Variants in HK1 observed in about 807,000 individuals in gnomAD.
The protein encoded by HK1 is hexokinase 1, also known as hexokinase-1.
Under a neutral mutation model 91.6 loss-of-function variants are expected in HK1, and 28 were observed. The ratio of observed to expected loss-of-function variants is 0.31; its 90% CI spans 0.23 to 0.42. The LOEUF (loss-of-function observed/expected upper bound fraction) is 0.42, where lower values mean the gene tolerates loss of function less well. Ranked by LOEUF, HK1 falls within the 10% of genes least tolerant of loss-of-function variation. The pLI, the probability that HK1 is intolerant of heterozygous loss-of-function variation, is 1.00. For missense variants in HK1, 770 were observed against 1,219.8 expected, an observed-to-expected ratio of 0.63 and a Z score of 5.49; for synonymous variants, 430 against 468.1, an observed-to-expected ratio of 0.92 and a Z score of 1.05.
chr10:69,322,631 C>A (rs545300149), intron 1 of HK1, among the ~76,000 whole-genome samples: 9 of 152,248 alleles, frequency 5.9e-5, no homozygotes, highest in Non-Finnish European at 1.5e-5. Flanking sequence ...TGGCTCACAC[C>A]TGTAATCTCA....
intron 1 of HK1, among the ~76,000 whole-genome samples, chr10:69,280,627 G>A (rs1844700867): frequency 6.6e-6 from 1 of 152,176 alleles, no homozygotes; most frequent in Non-Finnish European, 1.5e-5. Flanking sequence ...GGAGACTCTA[G>A]AGAGCTTGTC....
chr10:69,308,118 T>C (rs901180062), intron 5 of HK1, among the ~76,000 whole-genome samples: 1 of 152,202 alleles, frequency 6.6e-6, no homozygotes, highest in East Asian at 1.9e-4. Flanking sequence ...GGATTACAGG[T>C]GTGAGCCACC....
intron 3 of HK1, among the ~76,000 whole-genome samples, chr10:69,360,474 T>C (rs1589538468): frequency 6.6e-6 from 1 of 152,250 alleles, no homozygotes; most frequent in African/African-American, 2.4e-5. Flanking sequence ...GGTATGGCTG[T>C]GGCCTTGTCG....
chr10:69,299,070 C>T (rs1472566773), intron 4 of HK1, among the ~76,000 whole-genome samples: 1 of 150,842 alleles, frequency 6.6e-6, no homozygotes, highest in Non-Finnish European at 1.5e-5. Context: ...CTCCCAAGTA[C>T]CTGGGATTAC....
intron 4 of HK1, among the ~76,000 whole-genome samples, chr10:69,299,615 C>T (rs778831985): frequency 1.3e-5 from 2 of 150,900 alleles, no homozygotes; most frequent in Admixed American, 6.6e-5. Flanking sequence ...TTGCCCAGCT[C>T]GGCCTCCCAA....
intron 2 of HK1, among the ~76,000 whole-genome samples, chr10:69,351,381 T>C (rs144551740): frequency 0.13 from 20,236 of 151,244 alleles, 1,531 homozygotes; most frequent in South Asian, 0.27. Flanking sequence ...TGGTGGTGGG[T>C]GGCTGTAATC....
At chr10:69,274,838 C>A (rs1375130146) in intron 1 of HK1, among the ~76,000 whole-genome samples, 1 of 152,106 alleles carries the variant, frequency 6.6e-6, no homozygotes, top group Non-Finnish European at 1.5e-5. Flanking sequence ...AGCCAGCTCA[C>A]ATGACCATAA....
intron 11 of HK1, 125 bp from the exon 12 acceptor site, chr10:69,384,671 G>T: frequency 6.9e-7 from 1 of 1,444,198 alleles, no homozygotes; most frequent in Admixed American, 1.7e-5. Flanking sequence ...GGAAAAGGAG[G>T]CTCACTCTGC....
In HK1 at chr10:69,336,896, C is replaced by T. The variant is rs530068530; in HGVS notation, c.64-6931C>T. The stretch of plus-strand genomic sequence containing the variant: ...GACCTCTCAAGTGATCCACCCGCCT[C>T]GGCCTCCCATAGTGCTGGGATTACA... On this transcript the variant is annotated intron_variant, in intron 1 of 17. Transcript: ENST00000359426. Among the ~76,000 whole-genome samples the T allele has an allele frequency of 2.0e-5, 3 of 152,172 alleles. No homozygotes were observed. In the South Asian group the frequency reaches 6.2e-4, roughly 32 times the overall value.
chr10:69,288,660 C>A (rs1459158821), intron 2 of HK1: 3 of 1,295,228 alleles, frequency 2.3e-6, no homozygotes, highest in African/African-American at 1.5e-5. Flanking sequence ...TTGAACTTGG[C>A]CTTTCTCTAG....
intron 1 of HK1, among the ~76,000 whole-genome samples, chr10:69,276,990 C>T (rs10740318): frequency 0.68 from 103,276 of 151,800 alleles, 35,635 homozygotes; most frequent in East Asian, 0.92. Context: ...TAGTTATGTG[C>T]TATTATTCAT....
intron 16 of HK1, among the ~76,000 whole-genome samples, chr10:69,397,666 G>A (rs1412765852): frequency 6.6e-6 from 1 of 152,204 alleles, no homozygotes; most frequent in African/African-American, 2.4e-5. Flanking sequence ...TGTTTGAGGA[G>A]TAAGTAAGGT....
At chr10:69,332,283 G>A (rs1847766325) in intron 1 of HK1, among the ~76,000 whole-genome samples, 1 of 152,052 alleles carries the variant, frequency 6.6e-6, no homozygotes, top group Admixed American at 6.6e-5. Flanking sequence ...TCCTCATCTG[G>A]AATCCATTAT....
intron 3 of HK1, among the ~76,000 whole-genome samples, chr10:69,292,726 T>A (rs558247991): frequency 1.3e-5 from 2 of 152,274 alleles, no homozygotes; most frequent in East Asian, 3.9e-4. Flanking sequence ...ATTCGTATTT[T>A]TCCCCCAGTT....
At chr10:69,338,229 T>C in intron 1 of HK1, 1 of 1,108,552 alleles carries the variant, frequency 9.0e-7, no homozygotes, top group Non-Finnish European at 1.1e-6. Flanking sequence ...GTGCAGCCGG[T>C]CTGGCTACCC....
intron 7 of HK1, among the ~76,000 whole-genome samples, chr10:69,376,655 C>T (rs61870960): frequency 0.16 from 23,666 of 152,232 alleles, 2,227 homozygotes; most frequent in Non-Finnish European, 0.2. Flanking sequence ...AAACGCTCCC[C>T]CTGCCTTCAG....
At chr10:69,301,608 A>G (rs1845876933) in intron 5 of HK1, among the ~76,000 whole-genome samples, 1 of 151,280 alleles carries the variant, frequency 6.6e-6, no homozygotes, top group African/African-American at 2.4e-5. Flanking sequence ...AAAGAAAACA[A>G]TTCCATGTAT....
chr10:69,322,968 C>CT (rs1270791335), intron 1 of HK1, among the ~76,000 whole-genome samples: 1 of 149,572 alleles, frequency 6.7e-6, no homozygotes, highest in African/African-American at 2.5e-5. Flanking sequence ...AAAAATCTGG[C>CT]TGGGCACAGT....
At chr10:69,383,472 A>G (rs1429685772) in intron 10 of HK1, among the ~76,000 whole-genome samples, 1 of 152,246 alleles carries the variant, frequency 6.6e-6, no homozygotes, top group Non-Finnish European at 1.5e-5. Flanking sequence ...TGTTTGTGAC[A>G]GGAATGTGTC....
Sources: gnomAD v4.1 joint callset for allele counts (sites outside exome capture counted in the v4.1 genomes callset) on GRCh38, gnomAD v4.1.1 for gene constraint, MANE v1.5 for transcripts, NCBI Gene and HGNC (gene_info 2026-07-23, HGNC 2026-07-21) for gene names.